Variants in CARMIL1 observed in about 807,000 individuals in gnomAD.
CARMIL1 encodes the protein capping protein regulator and myosin 1 linker 1.
CARMIL1 carries 90 observed loss-of-function variants against 177.1 expected under a neutral mutation model. That is an observed-to-expected ratio of 0.51 (90% confidence interval 0.43 to 0.61). The LOEUF (loss-of-function observed/expected upper bound fraction) is 0.61, where lower values mean the gene tolerates loss of function less well. Ranked by LOEUF, CARMIL1 falls within the 20% of genes least tolerant of loss-of-function variation. CARMIL1 has a pLI of 0.00. For missense variants in CARMIL1, 1,380 were observed against 1,667.0 expected (o/e 0.83, Z 3.00); for synonymous variants, 577 against 606.2 (o/e 0.95, Z 0.71).
intron 23 of CARMIL1, among the ~76,000 whole-genome samples, chr6:25,526,646 G>C (rs920333764): frequency 3.3e-5 from 5 of 151,192 alleles, no homozygotes; most frequent in African/African-American, 1.2e-4. Flanking sequence ...TCAAATTCCT[G>C]AGCTCAAGTG....
At chr6:25,389,901 C>T (rs1185698837) in intron 2 of CARMIL1, among the ~76,000 whole-genome samples, 2 of 152,116 alleles carry the variant, frequency 1.3e-5, no homozygotes, top group Non-Finnish European at 2.9e-5. Flanking sequence ...TGGTGTTGAA[C>T]TATGTGCTAG....
At chr6:25,441,337 A>ATATATATATATATATATATATGTG in intron 5 of CARMIL1, among the ~76,000 whole-genome samples, 35 of 94,528 alleles carry the variant, frequency 3.7e-4, no homozygotes, top group South Asian at 8.3e-4. Context: ...ATATATATAT[A>ATATATATATATATATATATATGTG]TGTGTGTGTG....
rs144406344 is a variant in CARMIL1 at position 25,483,966 on chromosome 6, G to A, written c.961+1623G>A. ...TGTAGAGACAGAGTTTCCATGTTCC[G>A]TGGCCAGTCTCGAACTCCTGAGCTC... On this transcript the variant is annotated intron_variant, in intron 12 of 36. Transcript: ENST00000329474. Among the ~76,000 whole-genome samples the A allele has an allele frequency of 1.9e-4, 29 of 151,938 alleles. No homozygotes were observed. In the East Asian group the frequency reaches 4.5e-3, roughly 23 times the overall value.
intron 23 of CARMIL1, among the ~76,000 whole-genome samples, chr6:25,520,838 A>G (rs1806483114): frequency 6.6e-6 from 1 of 152,140 alleles, no homozygotes; most frequent in African/African-American, 2.4e-5. Context: ...AAGCCCAGCC[A>G]TTCCCTGGTG....
Position 25,460,298 on chromosome 6 carries a change from A to G in CARMIL1, c.615-5575A>G, listed in dbSNP as rs544370166. Among the ~76,000 whole-genome samples the G allele has an allele frequency of 2.6e-5, 4 of 152,332 alleles. No individual in the cohort carries two copies. In the South Asian group the frequency reaches 6.2e-4, roughly 24 times the overall value. On this transcript the variant is annotated intron_variant, in intron 8 of 36. Coordinates refer to ENST00000329474, the MANE Select transcript of CARMIL1 (RefSeq NM_017640.6). Reference sequence around the variant, plus strand: ...CATCCAGGAAAATGAACTCTCAGAAATGAGATTAGTTACATACTGTCTTGT... The same window carrying G: ...CATCCAGGAAAATGAACTCTCAGAAGTGAGATTAGTTACATACTGTCTTGT...
At chr6:25,529,427 A>C (rs1012377480) in intron 24 of CARMIL1, among the ~76,000 whole-genome samples, 1 of 152,240 alleles carries the variant, frequency 6.6e-6, no homozygotes, top group Non-Finnish European at 1.5e-5. Flanking sequence ...CCAAAGAAAC[A>C]GAATTATAAT....
intron 2 of CARMIL1, among the ~76,000 whole-genome samples, chr6:25,384,131 G>A (rs1265544523): frequency 6.6e-6 from 1 of 152,158 alleles, no homozygotes; most frequent in Non-Finnish European, 1.5e-5. Context: ...GAGCCACCGC[G>A]CCCGGCTGGT....
At chr6:25,335,441 C>T (rs1036369212) in intron 2 of CARMIL1, among the ~76,000 whole-genome samples, 7 of 152,080 alleles carry the variant, frequency 4.6e-5, no homozygotes, top group Non-Finnish European at 7.4e-5. Flanking sequence ...AAGCAATTTC[C>T]ATTTTGATGC....
chr6:25,600,416 C>T lies in CARMIL1; in HGVS notation c.3222C>T (p.Ile1074=). The T allele has an allele frequency of 6.2e-7, 1 of 1,613,926 alleles. No homozygotes were observed. The highest frequency in any genetic ancestry group is 8.5e-7 in the Non-Finnish European group (1 of 1,179,878). The change falls in exon 33 of 37, where the codon ATC becomes ATT. Residue 1074 remains isoleucine (I), a synonymous_variant. Coordinates refer to ENST00000329474, the MANE Select transcript of CARMIL1 (RefSeq NM_017640.6). ...SRKSSGFLNL[I]KSRSKSERPP... ...AAAGTAGTGGCTTTCTCAATTTAAT[C>T]AAATCCCGGTCCAAATCCGAGCGAC...
intron 36 of CARMIL1, chr6:25,612,433 A>G (rs985426683): frequency 6.6e-6 from 1 of 152,186 alleles, no homozygotes; most frequent in African/African-American, 2.4e-5. Context: ...GGATTATTCC[A>G]TAGTGAATGT....
chr6:25,314,041 G>A (rs1369821775), intron 2 of CARMIL1, among the ~76,000 whole-genome samples: 1 of 151,030 alleles, frequency 6.6e-6, no homozygotes, highest in African/African-American at 2.4e-5. Flanking sequence ...AATATAGGGA[G>A]ATAAATGTGC....
At chr6:25,553,262 T>C (rs542252287) in intron 27 of CARMIL1, among the ~76,000 whole-genome samples, 1 of 152,318 alleles carries the variant, frequency 6.6e-6, no homozygotes, top group East Asian at 1.9e-4. Flanking sequence ...TGTACATATA[T>C]CCATTAAGAT....
chr6:25,470,784 A>G (rs967023893), intron 9 of CARMIL1, among the ~76,000 whole-genome samples: 4 of 152,140 alleles, frequency 2.6e-5, no homozygotes, highest in Non-Finnish European at 5.9e-5. Context: ...TCTTTTACGA[A>G]AGCACTAATT....
chr6:25,305,983 T>C (rs1783227474), intron 2 of CARMIL1, among the ~76,000 whole-genome samples: 1 of 152,206 alleles, frequency 6.6e-6, no homozygotes, highest in Admixed American at 6.5e-5. Flanking sequence ...TTAATAAATA[T>C]ATGTTCAGCG....
At chr6:25,466,728 G>C (rs1361029506) in intron 9 of CARMIL1, among the ~76,000 whole-genome samples, 2 of 152,142 alleles carry the variant, frequency 1.3e-5, no homozygotes, top group Non-Finnish European at 2.9e-5. Flanking sequence ...AGGACATGGA[G>C]GGTTGAGACT....
At position 25,492,006 on chromosome 6, in the gene CARMIL1, G is replaced by A. The variant is rs754764537; in HGVS notation, c.1202G>A (p.Arg401Lys). ...LQYLAVLNLS[R>K]TVFSHRKGKE... ...TATTTAGCTGTGCTCAACCTCTCCAGAACTGTCTTCTCTCACCGGTATAGA... is the reference window on the plus strand; with the variant it reads ...TATTTAGCTGTGCTCAACCTCTCCAAAACTGTCTTCTCTCACCGGTATAGA... The change falls in exon 15 of 37, where the codon AGA (arginine) becomes AAA (lysine). Residue 401 changes from arginine to lysine, a missense_variant. Coordinates refer to ENST00000329474, the MANE Select transcript of CARMIL1 (RefSeq NM_017640.6). The A allele has an allele frequency of 3.7e-6, 6 of 1,613,542 alleles. No homozygotes were observed. The highest frequency in any genetic ancestry group is 4.2e-6 in the Non-Finnish European group (5 of 1,179,638).
intron 29 of CARMIL1, among the ~76,000 whole-genome samples, chr6:25,580,321 C>G (rs1813013741): frequency 6.6e-6 from 1 of 152,200 alleles, no homozygotes; most frequent in African/African-American, 2.4e-5. Context: ...AAGTGCTCTT[C>G]AGTTTTGGCC....
intron 2 of CARMIL1, among the ~76,000 whole-genome samples, chr6:25,358,757 G>A (rs550437494): frequency 3.0e-4 from 45 of 152,258 alleles, no homozygotes; most frequent in South Asian, 2.5e-3. Context: ...AGCAAGCAGT[G>A]GAAATGTGTA....
intron 2 of CARMIL1, among the ~76,000 whole-genome samples, chr6:25,377,952 C>G (rs1791154795): frequency 6.6e-6 from 1 of 152,024 alleles, no homozygotes; most frequent in African/African-American, 2.4e-5. Context: ...CTATAGAGCT[C>G]CGAAAAGTTT....
Sources: gnomAD v4.1 joint callset for allele counts (sites outside exome capture counted in the v4.1 genomes callset) on GRCh38, gnomAD v4.1.1 for gene constraint, MANE v1.5 for transcripts, NCBI Gene and HGNC (gene_info 2026-07-23, HGNC 2026-07-21) for gene names.